The following TACC1 variants were observed in gnomAD, a reference collection of about 807,000 sequenced individuals.
The protein encoded by TACC1 is transforming acidic coiled-coil-containing protein 1.
Under a neutral mutation model 84.4 loss-of-function variants are expected in TACC1, and 48 were observed. The ratio of observed to expected loss-of-function variants is 0.57; its 90% CI spans 0.45 to 0.72. The LOEUF (loss-of-function observed/expected upper bound fraction) is 0.72. TACC1 is among the 30% of genes least tolerant of loss of function. TACC1 has a pLI of 0.00. For synonymous variants in TACC1, 372 were observed against 376.3 expected (o/e 0.99, Z 0.13); for missense variants, 920 against 973.0 (o/e 0.95, Z 0.72).
At chr8:38,788,513 G>A (rs1817858316) in intron 1 of TACC1, 191 bp from the exon 2 acceptor site, 1 of 497,180 alleles carries the variant, frequency 2.0e-6, no homozygotes, top group Non-Finnish European at 3.6e-6. Context: ...CAGGATGCCA[G>A]CCTGAGAAAC....
chr8:38,842,306 T>C lies in TACC1; in HGVS notation c.1980T>C (p.Ser660=), dbSNP rs772428908. Residue 660 remains serine (S), a synonymous_variant, in exon 10 of 13, where the codon AGT becomes AGC. Transcript: ENST00000317827. ...AQMIEDEQRT[S]MTSQKSFQQL... is the part of the protein sequence containing the mutation. ...TCCCAGAAGATGAACAAAGGACAAGTATGACCTCTCAGAAGAGCTTCCAGC... is the reference window on the plus strand; with the variant it reads ...TCCCAGAAGATGAACAAAGGACAAGCATGACCTCTCAGAAGAGCTTCCAGC... The C allele has an allele frequency of 3.7e-6, 6 of 1,612,828 alleles. No homozygotes were observed. In the African/African-American group the frequency reaches 8.0e-5, roughly 22 times the overall value.
chr8:38,810,107 CT>C (rs1329903680), intron 2 of TACC1, among the ~76,000 whole-genome samples: 4 of 151,850 alleles, frequency 2.6e-5, no homozygotes, highest in Non-Finnish European at 5.9e-5. Context: ...TCCTCTTTTT[CT>C]TTTTTTCTTT....
At chr8:38,780,212 AT>A (rs1261434660) in intron 3 of TACC1, among the ~76,000 whole-genome samples, 4 of 152,158 alleles carry the variant, frequency 2.6e-5, no homozygotes, top group African/African-American at 9.7e-5. Context: ...GATTTTTATT[AT>A]TTAGTCATCT....
chr8:38,801,980 C>T (rs1821474575), intron 2 of TACC1, among the ~76,000 whole-genome samples: 1 of 152,232 alleles, frequency 6.6e-6, no homozygotes, highest in Admixed American at 6.5e-5. Context: ...GTGATGCAAG[C>T]ATGGCTCACT....
chr8:38,731,649 G>A (rs1044710866), intron 1 of TACC1, among the ~76,000 whole-genome samples: 1 of 152,164 alleles, frequency 6.6e-6, no homozygotes, highest in African/African-American at 2.4e-5. Flanking sequence ...GAGGAGGATT[G>A]TGCTTGGACC....
intron 2 of TACC1, among the ~76,000 whole-genome samples, chr8:38,793,951 A>T (rs1819365502): frequency 6.6e-6 from 1 of 152,244 alleles, no homozygotes; most frequent in African/African-American, 2.4e-5. Context: ...TACAGAGTTT[A>T]AGTAATTTGG....
upstream of TACC1, among the ~76,000 whole-genome samples, chr8:38,783,480 G>A (rs1446834971): frequency 6.0e-5 from 9 of 151,204 alleles, no homozygotes; most frequent in Admixed American, 1.3e-4. Flanking sequence ...GAAGTACAGT[G>A]GCATGATCTC....
intron 1 of TACC1, 125 bp downstream of exon 1, chr8:38,787,868 C>G: frequency 2.1e-6 from 2 of 972,164 alleles, no homozygotes; most frequent in South Asian, 3.8e-5. Flanking sequence ...CGCGTCCCTG[C>G]CCGGAGCCGG....
At chr8:38,752,403 G>A (rs1333843567) in intron 3 of TACC1, among the ~76,000 whole-genome samples, 3 of 152,084 alleles carry the variant, frequency 2.0e-5, no homozygotes, top group African/African-American at 4.8e-5. Context: ...CCCAGGAGGC[G>A]GAGGTTGCAG....
intron 2 of TACC1, among the ~76,000 whole-genome samples, chr8:38,811,219 A>G (rs1350410052): frequency 2.1e-5 from 3 of 141,296 alleles, no homozygotes; most frequent in Non-Finnish European, 4.6e-5. Flanking sequence ...ACAGATCTCA[A>G]CATGTCCAAG....
chr8:38,806,971 G>T (rs912347628), intron 2 of TACC1, among the ~76,000 whole-genome samples: 7 of 152,118 alleles, frequency 4.6e-5, no homozygotes, highest in Non-Finnish European at 7.4e-5. Flanking sequence ...CCCTCGCCCA[G>T]GTTTGATAAT....
rs146995229 is a variant in TACC1 at position 38,793,473 on chromosome 8, T to C, written c.277+4654T>C. On this transcript the variant is annotated intron_variant, in intron 2 of 12. Coordinates refer to ENST00000317827, the MANE Select transcript of TACC1 (RefSeq NM_006283.3). Reference sequence around the variant, plus strand: ...CAGGGCCCATCAATGGTCACACGATTATGTGAATTTACTAAAAACCATTGC... The same window carrying C: ...CAGGGCCCATCAATGGTCACACGATCATGTGAATTTACTAAAAACCATTGC... 1.5e-3 allele frequency among the ~76,000 whole-genome samples: 228 copies of C among 152,270 alleles called. 1 individual carries two copies. The highest frequency in any genetic ancestry group is 5.2e-3 in the African/African-American group (217 of 41,546).
At chr8:38,746,389 T>C (rs545739365) in intron 3 of TACC1, among the ~76,000 whole-genome samples, 2 of 152,308 alleles carry the variant, frequency 1.3e-5, no homozygotes, top group East Asian at 1.9e-4. Context: ...TTCTGCTTAG[T>C]GTTTGTCTAA....
At chr8:38,742,493 T>G (rs1409825577) in intron 2 of TACC1, 2 of 1,441,272 alleles carry the variant, frequency 1.4e-6, no homozygotes, top group East Asian at 2.5e-5. Context: ...GGGATGGATT[T>G]TAAAGTAAAA....
At chr8:38,844,786 T>G (rs866744851) in intron 11 of TACC1, 2 of 152,380 alleles carry the variant, frequency 1.3e-5, no homozygotes, top group Middle Eastern at 3.4e-3. Context: ...CTGGATTCTT[T>G]GTCATAGTAA....
chr8:38,824,066 G>A (rs1420987116), intron 3 of TACC1: 2 of 1,339,766 alleles, frequency 1.5e-6, no homozygotes, highest in Admixed American at 3.8e-5. Context: ...GGGACCGTTG[G>A]CAGTTTCCTC....
intron 2 of TACC1, among the ~76,000 whole-genome samples, chr8:38,816,775 C>T (rs1305913686): frequency 6.6e-6 from 1 of 152,184 alleles, no homozygotes; most frequent in Non-Finnish European, 1.5e-5. Context: ...AACCTGGAAG[C>T]TCCCTGTCCC....
Position 38,848,097 on chromosome 8 carries a change from C to A in TACC1, c.*74C>A. 1 of 1,395,234 alleles carries A rather than the reference C, an allele frequency of 7.2e-7. No individual in the cohort carries two copies. The allele number at this position is 1,395,234 out of a possible 1,614,324, so 86.4% of individuals were successfully genotyped here. ...GTGACCACAATTATCTTGCCTTATCCAGGAATAATTGCCCCTTTGCAGAGA... is the reference window on the plus strand; with the variant it reads ...GTGACCACAATTATCTTGCCTTATCAAGGAATAATTGCCCCTTTGCAGAGA... On this transcript the variant is annotated 3_prime_UTR_variant, in exon 13 of 13. Transcript: ENST00000317827.
chr8:38,808,292 A>C (rs1823230395), intron 2 of TACC1, among the ~76,000 whole-genome samples: 1 of 152,238 alleles, frequency 6.6e-6, no homozygotes, highest in South Asian at 2.1e-4. Context: ...GCAAGGCCTG[A>C]CAGCTGTGGC....
Sources: allele counts gnomAD v4.1 joint callset (sites outside exome capture counted in the v4.1 genomes callset), GRCh38; gene constraint gnomAD v4.1.1; transcripts MANE v1.5; gene names NCBI Gene and HGNC (gene_info 2026-07-23, HGNC 2026-07-21).